Variants in TBC1D5 observed in about 807,000 individuals in gnomAD.
The protein encoded by TBC1D5 is TBC1 domain family, member 5.
A neutral mutation model predicts 100.3 loss-of-function variants in TBC1D5; 75 were observed. The ratio of observed to expected loss-of-function variants is 0.75; its 90% CI spans 0.62 to 0.91. The LOEUF (loss-of-function observed/expected upper bound fraction) is 0.91, where lower values mean the gene tolerates loss of function less well. Among genes scored for constraint, TBC1D5 ranks in the 40% least tolerant of loss-of-function variants. The pLI, the probability that TBC1D5 is intolerant of heterozygous loss-of-function variation, is 0.00. For synonymous variants in TBC1D5, 323 were observed against 325.6 expected, an observed-to-expected ratio of 0.99 and a Z score of 0.09; for missense variants, 910 against 942.4, an observed-to-expected ratio of 0.97 and a Z score of 0.45.
intron 13 of TBC1D5, among the ~76,000 whole-genome samples, chr3:17,354,632 C>T (rs2091017772): frequency 6.6e-6 from 1 of 151,610 alleles, no homozygotes; most frequent in African/African-American, 2.4e-5. Flanking sequence ...AAACCTTGGC[C>T]AGCTGATGTG....
At chr3:17,670,554 A>G (rs1402047614) in intron 1 of TBC1D5, among the ~76,000 whole-genome samples, 1 of 152,218 alleles carries the variant, frequency 6.6e-6, no homozygotes, top group Admixed American at 6.5e-5. Context: ...TTTAAAAACA[A>G]AGAATGAAGA....
At chr3:17,447,409 A>C (rs1334290282) in intron 3 of TBC1D5, among the ~76,000 whole-genome samples, 1 of 152,216 alleles carries the variant, frequency 6.6e-6, no homozygotes, top group African/African-American at 2.4e-5. Context: ...TAACTGATAG[A>C]ATACAAGATT....
At chr3:17,347,685 C>T (rs573761243) in intron 13 of TBC1D5, among the ~76,000 whole-genome samples, 3 of 152,074 alleles carry the variant, frequency 2.0e-5, no homozygotes, top group African/African-American at 4.8e-5. Context: ...AGTCTGAGCT[C>T]GGAATTTTTT....
intron 2 of TBC1D5, among the ~76,000 whole-genome samples, chr3:17,593,803 G>C (rs1490549324): frequency 2.0e-5 from 3 of 152,204 alleles, no homozygotes; most frequent in Non-Finnish European, 4.4e-5. Flanking sequence ...ATGGCCTTTT[G>C]AAGTCACAAT....
intron 13 of TBC1D5, among the ~76,000 whole-genome samples, chr3:17,327,771 T>C (rs1274580521): frequency 1.3e-5 from 2 of 152,162 alleles, no homozygotes; most frequent in Non-Finnish European, 2.9e-5. Context: ...TCCCCCACTA[T>C]AACAGCAAGT....
At chr3:17,482,271 A>C (rs555373922) in intron 3 of TBC1D5, among the ~76,000 whole-genome samples, 109 of 152,348 alleles carry the variant, frequency 7.2e-4, no homozygotes, top group Non-Finnish European at 1.2e-3. Context: ...AACTTCTTAA[A>C]GTCATTTAAA....
intron 1 of TBC1D5, among the ~76,000 whole-genome samples, chr3:17,639,715 T>C (rs2064316501): frequency 6.6e-6 from 1 of 152,112 alleles, no homozygotes; most frequent in Non-Finnish European, 1.5e-5. Flanking sequence ...ACTAAACTGC[T>C]AGAACACATC....
At chr3:17,611,446 C>T (rs888653494) in intron 2 of TBC1D5, among the ~76,000 whole-genome samples, 5 of 152,008 alleles carry the variant, frequency 3.3e-5, no homozygotes, top group African/African-American at 1.2e-4. Context: ...AGAAGTCAAG[C>T]AGAGAAGGGA....
intron 2 of TBC1D5, among the ~76,000 whole-genome samples, chr3:17,608,244 G>A (rs1010990341): frequency 3.3e-5 from 5 of 152,104 alleles, no homozygotes; most frequent in African/African-American, 1.2e-4. Context: ...ACAACAGAGC[G>A]AGACTCTGTC....
intron 2 of TBC1D5, among the ~76,000 whole-genome samples, chr3:17,563,931 C>G (rs531698123): frequency 6.6e-6 from 1 of 152,112 alleles, no homozygotes; most frequent in Non-Finnish European, 1.5e-5. Context: ...TACAAGCGCC[C>G]GCCACCATGC....
chr3:17,298,046 C>CAG (rs2082441924), intron 14 of TBC1D5, among the ~76,000 whole-genome samples: 1 of 152,132 alleles, frequency 6.6e-6, no homozygotes, highest in African/African-American at 2.4e-5. Flanking sequence ...AGAAAATAAT[C>CAG]AGTAAGCCTG....
At chr3:17,270,205 G>GT (rs1333360038) in intron 15 of TBC1D5, among the ~76,000 whole-genome samples, 9 of 152,110 alleles carry the variant, frequency 5.9e-5, no homozygotes, top group African/African-American at 2.2e-4. Context: ...GTGTGAGATG[G>GT]TATCTCACTA....
rs553466202 is a variant in TBC1D5, at chr3:17,638,990, T to A, written c.-100-15077A>T. Reference sequence around the variant, plus strand: ...AAAGGTTAAACATAAATTTATCATATGACATACCAATCCCACTCTTAGGTA... The same window carrying A: ...AAAGGTTAAACATAAATTTATCATAAGACATACCAATCCCACTCTTAGGTA... On this transcript the variant is annotated intron_variant, in intron 1 of 21. Coordinates refer to ENST00000253692, the Ensembl canonical transcript of TBC1D5. Among the ~76,000 whole-genome samples the A allele has an allele frequency of 2.0e-5, 3 of 152,236 alleles. No individual in the cohort carries two copies. The East Asian group carries it at 5.8e-4, about 29-fold the overall frequency.
chr3:17,485,692 T>C (rs1283130317), intron 3 of TBC1D5, among the ~76,000 whole-genome samples: 1 of 152,118 alleles, frequency 6.6e-6, no homozygotes, highest in Non-Finnish European at 1.5e-5. Flanking sequence ...TATGGCTGCA[T>C]AGTATTCCAT....
rs139737927 is a variant in TBC1D5, at chr3:17,271,105, T to C, written c.1246-12514A>G. Among the ~76,000 whole-genome samples the C allele has an allele frequency of 1.4e-4, 22 of 152,308 alleles. No homozygotes were observed. The East Asian group carries it at 3.3e-3, about 23-fold the overall frequency. Reference sequence around the variant, plus strand: ...ATTGCTTTGGCTATTCAGGCTCTTTTTCAGTTTCATATTAATTTTAGAATA... The same window carrying C: ...ATTGCTTTGGCTATTCAGGCTCTTTCTCAGTTTCATATTAATTTTAGAATA... On this transcript the variant is annotated intron_variant, in intron 15 of 21. Coordinates refer to ENST00000253692, the Ensembl canonical transcript of TBC1D5.
chr3:17,678,120 C>T (rs1334502577), intron 1 of TBC1D5, among the ~76,000 whole-genome samples: 1 of 151,954 alleles, frequency 6.6e-6, no homozygotes, highest in Admixed American at 6.6e-5. Flanking sequence ...GCACATGTAC[C>T]CTAGAACTTA....
At chr3:17,415,561 A>C (rs1009715361) in intron 4 of TBC1D5, among the ~76,000 whole-genome samples, 2 of 152,182 alleles carry the variant, frequency 1.3e-5, no homozygotes, top group Non-Finnish European at 2.9e-5. Flanking sequence ...TAAACTCAAT[A>C]ATCATACTTT....
In TBC1D5 at chr3:17,631,860, G is replaced by A. The variant is rs183230315; in HGVS notation, c.-100-7947C>T. Among the ~76,000 whole-genome samples the A allele has an allele frequency of 3.5e-3, 533 of 152,294 alleles. 4 individuals carry two copies. Among genetic ancestry groups the A allele is most frequent in the African/African-American group, 0.012 (505 of 41,542 alleles). On this transcript the variant is annotated intron_variant, in intron 1 of 21. Coordinates refer to ENST00000253692, the Ensembl canonical transcript of TBC1D5. ...ACTGCTGCTCATTGACAATGTGCCT[G>A]GCCACCCAAGAGCTCTGGTGAAGAT...
chr3:17,644,234 GTTTA>G (rs774907336), intron 1 of TBC1D5: 1 of 152,012 alleles, frequency 6.6e-6, no homozygotes, highest in Non-Finnish European at 1.5e-5. Context: ...AAAGAAAGTG[GTTTA>G]TTTATCAAAA....
Sources: gnomAD v4.1 joint callset for allele counts (sites outside exome capture counted in the v4.1 genomes callset) on GRCh38, gnomAD v4.1.1 for gene constraint, MANE v1.5 for transcripts, NCBI Gene and HGNC (gene_info 2026-07-23, HGNC 2026-07-21) for gene names.